DDX50: variants seen among roughly 807,000 people sequenced by gnomAD.
DDX50 encodes the protein DExD-box helicase 50.
A neutral mutation model predicts 94.8 loss-of-function variants in DDX50; 56 were observed. The ratio of observed to expected loss-of-function variants is 0.59; its 90% CI spans 0.48 to 0.74. The LOEUF (loss-of-function observed/expected upper bound fraction) is 0.74. Among genes scored for constraint, DDX50 ranks in the 30% least tolerant of loss-of-function variants. DDX50 has a pLI of 0.00. For synonymous variants in DDX50, 264 were observed against 295.4 expected, an observed-to-expected ratio of 0.89 and a Z score of 1.09; for missense variants, 713 against 881.2, an observed-to-expected ratio of 0.81 and a Z score of 2.42.
In DDX50 at chr10:68,901,483, A is replaced by T. The variant is rs1310454335; in HGVS notation, c.87+12A>T. 3 of 1,557,540 alleles carry T rather than the reference A, an allele frequency of 1.9e-6. No individual in the cohort carries two copies. Among genetic ancestry groups the T allele is most frequent in the African/African-American group, 2.7e-5 (2 of 73,144 alleles). On this transcript the variant is annotated intron_variant, in intron 1 of 14. Transcript: ENST00000373585. ...AGGAGAGGCAAAAGGTGCGCTGAGC[A>T]TGGGCCGCGCCTCCTTTTGGGCTGC...
intron 8 of DDX50, among the ~76,000 whole-genome samples, chr10:68,929,294 T>TTCCTTCCTTCCTTC (rs372281464): frequency 0.08 from 8,638 of 108,218 alleles, 509 homozygotes; most frequent in Non-Finnish European, 0.12. Context: ...CCTTCCTTCC[T>TTCCTTCCTTCCTTC]CTCTCTCTCT....
rs772231989 is a variant in DDX50 at position 68,906,764 on chromosome 10, A to G, written c.141A>G (p.Thr47=). 9.3e-6 allele frequency: 15 copies of G among 1,612,542 alleles called. No homozygotes were observed. The Admixed American group carries it at 2.5e-4, about 27-fold the overall frequency. ...ATGACTCGGATGAGAAATCAGAAACAAGAGAAAATGGTGTTACAGATGACC... is the reference window on the plus strand; with the variant it reads ...ATGACTCGGATGAGAAATCAGAAACGAGAGAAAATGGTGTTACAGATGACC... ...HHYDSDEKSE[T]RENGVTDDLD... is the part of the protein sequence containing the mutation. The change falls in exon 2 of 15, where the codon ACA becomes ACG. Residue 47 remains threonine (T), a synonymous_variant. Coordinates refer to ENST00000373585, the MANE Select transcript of DDX50 (RefSeq NM_024045.2).
At chr10:68,909,741 C>A (rs1841570201) in intron 2 of DDX50, among the ~76,000 whole-genome samples, 1 of 152,240 alleles carries the variant, frequency 6.6e-6, no homozygotes, top group South Asian at 2.1e-4. Flanking sequence ...CGGCTCACTA[C>A]AACCTCTGCC....
intron 2 of DDX50, among the ~76,000 whole-genome samples, chr10:68,909,659 T>G (rs190216834): frequency 6.6e-6 from 1 of 152,278 alleles, no homozygotes; most frequent in African/African-American, 2.4e-5. Context: ...AGGATCTTTT[T>G]TTTTTTCTTG....
intron 12 of DDX50, among the ~76,000 whole-genome samples, 173 bp downstream of exon 12, chr10:68,937,268 T>G (rs569707914): frequency 2.3e-4 from 35 of 152,334 alleles, no homozygotes; most frequent in Middle Eastern, 3.4e-3. Context: ...GACAATCACC[T>G]CTTCCAAATT....
chr10:68,934,845 G>C lies in DDX50; in HGVS notation c.1448G>C (p.Gly483Ala), dbSNP rs1256716187. 6.2e-7 allele frequency: 1 copy of C among 1,613,166 alleles called. No individual in the cohort carries two copies. Among genetic ancestry groups the C allele is most frequent in the Non-Finnish European group, 8.5e-7 (1 of 1,179,652 alleles). Residue 483 changes from glycine to alanine, a missense_variant, in exon 10 of 15, where the codon GGA becomes GCA. Coordinates refer to ENST00000373585, the MANE Select transcript of DDX50 (RefSeq NM_024045.2). The surrounding 1 kb of genome is among the most constrained non-coding windows in gnomAD (Gnocchi z 4.0). ...IHRSGRTGRAGRTGICICFYQ... is the reference protein window; with the variant it reads ...IHRSGRTGRAARTGICICFYQ... ...CGCTCTGGACGCACAGGTAGAGCTG[G>C]ACGGACAGGGATTTGTATATGTTTT...
At chr10:68,925,871 A>G (rs1434006856) in intron 8 of DDX50, among the ~76,000 whole-genome samples, 1 of 151,806 alleles carries the variant, frequency 6.6e-6, no homozygotes, top group South Asian at 2.1e-4. Flanking sequence ...AAAATTAGCC[A>G]GGTGTGGTGA....
intron 6 of DDX50, 86 bp from the exon 7 acceptor site, chr10:68,913,973 T>A (rs1841710830): frequency 7.9e-7 from 1 of 1,260,100 alleles, no homozygotes; most frequent in Non-Finnish European, 1.1e-6. Flanking sequence ...TTTTTCATTA[T>A]TTTTTTGAAG....
At chr10:68,930,666 G>A (rs1013342146) in intron 8 of DDX50, among the ~76,000 whole-genome samples, 2 of 149,158 alleles carry the variant, frequency 1.3e-5, no homozygotes, top group Admixed American at 1.3e-4. Context: ...TGTTTTTTTT[G>A]GGGGTGGGGA....
chr10:68,932,276 TTGAGACAGAGTCTCACTC>T (rs1296557909), intron 8 of DDX50, among the ~76,000 whole-genome samples: 8 of 152,328 alleles, frequency 5.3e-5, no homozygotes, highest in Non-Finnish European at 8.8e-5. Context: ...CTTCTGTTTT[TTGAGACAGAGTCTCACTC>T]TGCCACCCAG....
chr10:68,925,417 A>G (rs1280364964), intron 8 of DDX50, among the ~76,000 whole-genome samples: 1 of 151,862 alleles, frequency 6.6e-6, no homozygotes, highest in African/African-American at 2.4e-5. Flanking sequence ...GCCTCTGCTT[A>G]TGTTTTAGAA....
chr10:68,908,653 T>C (rs1292301747), intron 2 of DDX50, among the ~76,000 whole-genome samples: 1 of 144,782 alleles, frequency 6.9e-6, no homozygotes, highest in Non-Finnish European at 1.5e-5. Context: ...TTTTTTTTTT[T>C]TTTTTGAGAT....
chr10:68,923,642 C>T (rs143748910), intron 8 of DDX50, among the ~76,000 whole-genome samples: 15 of 151,830 alleles, frequency 9.9e-5, no homozygotes, highest in African/African-American at 3.6e-4. Flanking sequence ...CTCTTAGGTT[C>T]AAGCGATTCT....
chr10:68,943,007 C>A lies in DDX50; in HGVS notation c.1891-206C>A, dbSNP rs16925938. 7.0e-3 allele frequency among the ~76,000 whole-genome samples: 1,061 copies of A among 152,202 alleles called. 16 individuals are homozygous for A. The highest frequency in any genetic ancestry group is 0.024 in the African/African-American group (1,016 of 41,536). ...GGATCATTTTACAAGGGACATGGAA[C>A]AACATATAGGGTCTACACAAACTCT... On this transcript the variant is annotated intron_variant, in intron 13 of 14. Coordinates refer to ENST00000373585, the MANE Select transcript of DDX50 (RefSeq NM_024045.2).
rs371303202 is a variant in DDX50 at position 68,914,242 on chromosome 10, G to C, written c.1089+38G>C. On this transcript the variant is annotated intron_variant, in intron 7 of 14. Coordinates refer to ENST00000373585, the MANE Select transcript of DDX50 (RefSeq NM_024045.2). ...CTAGCATGATAGATTTTAGCTTTTAGTTGGTATTTACTTTTGACATTTGTT... is the reference window on the plus strand; with the variant it reads ...CTAGCATGATAGATTTTAGCTTTTACTTGGTATTTACTTTTGACATTTGTT... 3.1e-6 allele frequency: 5 copies of C among 1,600,512 alleles called. No homozygotes were observed. The African/African-American group carries it at 5.4e-5, about 17-fold the overall frequency.
In DDX50 at chr10:68,946,772, T is replaced by C; in HGVS notation, c.*142T>C. The C allele has an allele frequency of 1.9e-6, 2 of 1,067,208 alleles. No individual in the cohort carries two copies. Among genetic ancestry groups the C allele is most frequent in the South Asian group, 3.2e-5 (2 of 62,020 alleles). 66.1% of individuals were successfully genotyped at this position (1,067,208 alleles called of 1,614,324 possible). A position where few individuals can be genotyped will look rare whatever the true frequency, so the allele number is the denominator to read the frequency against. On this transcript the variant is annotated 3_prime_UTR_variant, in exon 15 of 15. Coordinates refer to ENST00000373585, the MANE Select transcript of DDX50 (RefSeq NM_024045.2). ...TTGGTCGTATTTTTTTAAAAAGTAT[T>C]TCACAAGAATGGAACAAATCTACTT...
chr10:68,928,071 C>T (rs769287019), intron 8 of DDX50, among the ~76,000 whole-genome samples: 1 of 151,882 alleles, frequency 6.6e-6, no homozygotes, highest in South Asian at 2.1e-4. Flanking sequence ...AAAGAATTTC[C>T]CTGGGAAGCC....
chr10:68,923,104 T>A (rs1307431058), intron 8 of DDX50, among the ~76,000 whole-genome samples: 1 of 105,352 alleles, frequency 9.5e-6, no homozygotes, highest in Non-Finnish European at 1.9e-5. Context: ...AGTATGACCC[T>A]TTCTCTTAAA....
chr10:68,941,160 A>T lies in DDX50; in HGVS notation c.1856A>T (p.Gln619Leu), dbSNP rs1417647702. 1 of 1,613,228 alleles carries T rather than the reference A, an allele frequency of 6.2e-7. No homozygotes were observed. Residue 619 changes from glutamine (Q) to leucine (L), a missense_variant, in exon 13 of 15, where the codon CAG (glutamine) becomes CTG (leucine). By Grantham distance (113) the Gln-to-Leu change is moderately radical. Around this residue, in one of 2 missense-constraint regions of DDX50, gnomAD observed 428 missense variants for 602.3 expected, o/e 0.71. Transcript: ENST00000373585. ...AAGCTGAGTAGTAATGCAGTGTCTC[A>T]GATTACCAGAATGTGCCTCCTGAAA... ...NRKLSSNAVS[Q>L]ITRMCLLKGN... is the part of the protein sequence containing the mutation.
Sources: gnomAD v4.1 joint callset for allele counts (sites outside exome capture counted in the v4.1 genomes callset) on GRCh38, gnomAD v4.1.1 for gene constraint, gnomAD v4.1.1 regional missense constraint, Gnocchi (gnomAD v3.1) non-coding constraint, MANE v1.5 for transcripts, NCBI Gene and HGNC (gene_info 2026-07-23, HGNC 2026-07-21) for gene names.